The following KAZN variants were observed in gnomAD, a reference collection of about 807,000 sequenced individuals.
KAZN encodes kazrin, periplakin interacting protein.
A neutral mutation model predicts 87.4 loss-of-function variants in KAZN; 40 were observed. That is an observed-to-expected ratio of 0.46 (90% CI 0.36 to 0.60). The LOEUF (loss-of-function observed/expected upper bound fraction) is 0.60, where lower values mean the gene tolerates loss of function less well. Ranked by LOEUF, KAZN falls within the 20% of genes least tolerant of loss-of-function variation. KAZN has a pLI of 0.00. For synonymous variants in KAZN, 466 were observed against 458.3 expected, an observed-to-expected ratio of 1.02 and a Z score of -0.22; for missense variants, 898 against 1,073.9, an observed-to-expected ratio of 0.84 and a Z score of 2.29.
rs575704136 is a variant in KAZN, at chr1:14,604,064, T to C, written c.226+4841T>C. 1.5e-3 allele frequency among the ~76,000 whole-genome samples: 232 copies of C among 152,338 alleles called. 1 individual carries two copies. Among genetic ancestry groups the C allele is most frequent in the African/African-American group, 5.5e-3 (227 of 41,570 alleles). The stretch of plus-strand genomic sequence containing the variant: ...GTTTGCCTGAACATTGGTCCCTGGC[T>C]TCTTACCCCCTGCCATATATCAGGG... On this transcript the variant is annotated intron_variant, in intron 1 of 14. Coordinates refer to ENST00000376030, the MANE Select transcript of KAZN (RefSeq NM_201628.3).
chr1:14,350,690 G>A (rs985392647), intron 2 of KAZN, among the ~76,000 whole-genome samples: 24 of 152,208 alleles, frequency 1.6e-4, no homozygotes, highest in African/African-American at 5.5e-4. Context: ...AGACCTAGGT[G>A]GTCTAATGCA....
chr1:14,023,025 T>G (rs1417995471), intron 1 of KAZN, among the ~76,000 whole-genome samples: 3 of 152,146 alleles, frequency 2.0e-5, no homozygotes, highest in Non-Finnish European at 4.4e-5. Context: ...ATGTCAACAG[T>G]ACTCATTGGC....
intron 1 of KAZN, among the ~76,000 whole-genome samples, chr1:14,882,166 A>T (rs999430888): frequency 6.6e-6 from 1 of 152,194 alleles, no homozygotes; most frequent in African/African-American, 2.4e-5. Context: ...CTTGCCCTAC[A>T]GTTTTTCATA....
intron 1 of KAZN, among the ~76,000 whole-genome samples, chr1:14,870,068 T>A (rs992780123): frequency 6.6e-6 from 1 of 152,182 alleles, no homozygotes; most frequent in Non-Finnish European, 1.5e-5. Context: ...CAGGGTCTCA[T>A]CTCTGTGGAA....
Position 14,184,383 on chromosome 1 carries a change from A to C in KAZN, c.249+3791A>C, listed in dbSNP as rs1042838233. ...GCTGAGATGTGGAATTACATTCTGC[A>C]TTTTTCACTTCCTTCTCTTCCTTCC... On this transcript the variant is annotated intron_variant, in intron 2 of 16. Transcript: ENST00000636203. This position sits in a 1 kb window ranked among gnomAD's most constrained non-coding sequence, Gnocchi z 4.2. 4.0e-5 allele frequency among the ~76,000 whole-genome samples: 6 copies of C among 151,772 alleles called. No homozygotes were observed. Among genetic ancestry groups the C allele is most frequent in the Non-Finnish European group, 8.8e-5 (6 of 67,952 alleles).
intron 1 of KAZN, among the ~76,000 whole-genome samples, chr1:14,900,480 G>A (rs952059860): frequency 3.9e-5 from 6 of 152,220 alleles, no homozygotes; most frequent in African/African-American, 7.2e-5. Context: ...TTGGCCGGGC[G>A]CAGTGGCTCA....
Position 14,580,577 on chromosome 1 carries a change from G to A in KAZN, c.250-18406G>A, listed in dbSNP as rs542614651. Among the ~76,000 whole-genome samples the A allele has an allele frequency of 1.5e-4, 23 of 152,304 alleles. No individual in the cohort carries two copies. In the South Asian group the frequency reaches 4.6e-3, roughly 30 times the overall value. ...ATGTGTGGCTGACGTTAGTGGATAT[G>A]GAGGGGCTCAGGATAAGAGGCCTAT... On this transcript the variant is annotated intron_variant, in intron 2 of 16. Transcript: ENST00000636203.
chr1:14,477,452 CTCTCTCTCTCTT>C (rs1049074260), intron 2 of KAZN, among the ~76,000 whole-genome samples: 2 of 139,602 alleles, frequency 1.4e-5, no homozygotes, highest in African/African-American at 6.2e-5. Context: ...CTCCCCCTCT[CTCTCTCTCTCTT>C]TCTCTCTCTC....
chr1:14,840,157 C>T lies in KAZN; in HGVS notation c.227-120527C>T, dbSNP rs139384955. ...AATCCCTTTTCATTCTTAATAGAGT[C>T]CAGGAGAGGTCTTGCACGGTGATTG... On this transcript the variant is annotated intron_variant, in intron 1 of 14. Coordinates refer to ENST00000376030, the MANE Select transcript of KAZN (RefSeq NM_201628.3). Among the ~76,000 whole-genome samples the T allele has an allele frequency of 2.5e-3, 385 of 152,228 alleles. 1 individual carries two copies. Among genetic ancestry groups the T allele is most frequent in the African/African-American group, 8.7e-3 (361 of 41,542 alleles).
chr1:14,249,878 A>C (rs978883472), intron 2 of KAZN, among the ~76,000 whole-genome samples: 8 of 150,986 alleles, frequency 5.3e-5, no homozygotes, highest in Non-Finnish European at 8.8e-5. Flanking sequence ...GAAAAAAAAA[A>C]CAGATACCCC....
chr1:14,477,425 C>CCT (rs34725397), intron 2 of KAZN, among the ~76,000 whole-genome samples: 25,547 of 142,138 alleles, frequency 0.18, 2,846 homozygotes, highest in East Asian at 0.55. Flanking sequence ...TAATTCATTC[C>CCT]CTCTCTCTCT....
chr1:14,848,790 C>T (rs534493883), intron 1 of KAZN, among the ~76,000 whole-genome samples: 11 of 152,306 alleles, frequency 7.2e-5, no homozygotes, highest in Admixed American at 6.5e-4. Flanking sequence ...GGCCATGAAG[C>T]GGGGACATTT....
intron 2 of KAZN, among the ~76,000 whole-genome samples, chr1:14,208,838 A>G (rs115714588): frequency 6.6e-6 from 1 of 152,136 alleles, no homozygotes. Flanking sequence ...CTATGGTCTT[A>G]CCTCTCCAAG....
intron 2 of KAZN, among the ~76,000 whole-genome samples, chr1:14,341,504 C>T (rs1657724202): frequency 6.6e-6 from 1 of 152,198 alleles, no homozygotes; most frequent in Non-Finnish European, 1.5e-5. Flanking sequence ...GTCCTTCCTT[C>T]ACTTCTGTCT....
At chr1:14,317,135 G>C (rs1179112241) in intron 2 of KAZN, among the ~76,000 whole-genome samples, 2 of 151,836 alleles carry the variant, frequency 1.3e-5, no homozygotes, top group Non-Finnish European at 2.9e-5. Context: ...GAGTGCTGCA[G>C]TTTCTCACTA....
chr1:14,770,985 A>G (rs978836339), intron 1 of KAZN, among the ~76,000 whole-genome samples: 1 of 152,132 alleles, frequency 6.6e-6, no homozygotes. Flanking sequence ...AGGTGTTCCC[A>G]TGTTCAGTTG....
chr1:14,502,588 T>A (rs1007927057), intron 2 of KAZN, among the ~76,000 whole-genome samples: 2 of 152,156 alleles, frequency 1.3e-5, no homozygotes, highest in African/African-American at 4.8e-5. Context: ...CAAAATGTTA[T>A]CTTCTGGCAA....
At chr1:14,121,078 C>G (rs1469432377) in intron 1 of KAZN, among the ~76,000 whole-genome samples, 1 of 152,108 alleles carries the variant, frequency 6.6e-6, no homozygotes, top group African/African-American at 2.4e-5. Flanking sequence ...CCAGGGGAAG[C>G]AGAGGCGAGA....
intron 1 of KAZN, among the ~76,000 whole-genome samples, chr1:14,696,893 T>G (rs1026450426): frequency 2.0e-5 from 3 of 152,092 alleles, no homozygotes; most frequent in African/African-American, 7.2e-5. Flanking sequence ...TAAGAAACAG[T>G]GAACAGGAGT....
Sources: gnomAD v4.1 joint callset for allele counts (sites outside exome capture counted in the v4.1 genomes callset) on GRCh38, gnomAD v4.1.1 for gene constraint, Gnocchi (gnomAD v3.1) non-coding constraint, MANE v1.5 for transcripts, NCBI Gene and HGNC (gene_info 2026-07-23, HGNC 2026-07-21) for gene names.